The following MRAP2 variants were observed in gnomAD, a reference collection of about 807,000 sequenced individuals.
MRAP2 encodes the protein melanocortin-2 receptor accessory protein 2.
Under a neutral mutation model 17.4 loss-of-function variants are expected in MRAP2, and 20 were observed. The observed-to-expected ratio is 1.15, with a 90% CI of 0.81 to 1.67. MRAP2 has a LOEUF of 1.67. Among genes scored for constraint, MRAP2 ranks in the 40% most tolerant of loss-of-function variants. The probability of loss-of-function intolerance (pLI) is 0.00; values close to 1 mark genes in which losing one functional copy is unlikely to be tolerated. For synonymous variants in MRAP2, 96 were observed against 88.4 expected (o/e 1.09, Z -0.48); for missense variants, 238 against 240.0 (o/e 0.99, Z 0.05).
At chr6:84,145,811 GACAT>G in the MRAP2 span, among the ~76,000 whole-genome samples, 1 of 152,020 alleles carries the variant, frequency 6.6e-6, no homozygotes, top group African/African-American at 2.4e-5. Flanking sequence ...CTTATAACTA[GACAT>G]ACTCAAACTG....
chr6:84,083,603 T>G (rs2099499546), intron 3 of MRAP2, among the ~76,000 whole-genome samples: 1 of 152,166 alleles, frequency 6.6e-6, no homozygotes, highest in South Asian at 2.1e-4. Flanking sequence ...CGGGCAAAAT[T>G]GTATGCTGAC....
chr6:84,136,384 C>A, the MRAP2 span, among the ~76,000 whole-genome samples: 1 of 152,158 alleles, frequency 6.6e-6, no homozygotes, highest in African/African-American at 2.4e-5. Context: ...GAAGGGCAGG[C>A]AGGTGATGAG....
At chr6:84,114,391 C>T in the MRAP2 span, among the ~76,000 whole-genome samples, 2 of 152,020 alleles carry the variant, frequency 1.3e-5, no homozygotes, top group Non-Finnish European at 2.9e-5. Flanking sequence ...TTTGTGTATG[C>T]TTCACAAAGT....
chr6:84,059,677 C>T (rs1235882452), intron 2 of MRAP2, among the ~76,000 whole-genome samples: 1 of 152,178 alleles, frequency 6.6e-6, no homozygotes, highest in Non-Finnish European at 1.5e-5. Flanking sequence ...TTGCAATTCC[C>T]CTGGGCAATT....
chr6:84,107,742 A>C, the MRAP2 span, among the ~76,000 whole-genome samples: 1 of 152,246 alleles, frequency 6.6e-6, no homozygotes, highest in Non-Finnish European at 1.5e-5. Flanking sequence ...AGCTGAAAGC[A>C]AACTGTTTAT....
intron 1 of MRAP2, among the ~76,000 whole-genome samples, chr6:84,039,466 G>A (rs1043007364): frequency 1.3e-5 from 2 of 152,248 alleles, no homozygotes; most frequent in Non-Finnish European, 2.9e-5. Flanking sequence ...TGGAAACTGT[G>A]CATTTTCCTT....
chr6:84,036,638 A>G (rs2099486074), intron 1 of MRAP2, among the ~76,000 whole-genome samples: 1 of 152,156 alleles, frequency 6.6e-6, no homozygotes, highest in Admixed American at 6.6e-5. Flanking sequence ...AAAGAGGGAA[A>G]GACCAAAGCT....
At chr6:84,049,452 AAACAAC>A (rs796211683) in intron 1 of MRAP2, among the ~76,000 whole-genome samples, 2 of 151,974 alleles carry the variant, frequency 1.3e-5, no homozygotes, top group African/African-American at 2.4e-5. Context: ...AAAACAAACA[AAACAAC>A]AACAACAACA....
intron 2 of MRAP2, among the ~76,000 whole-genome samples, chr6:84,056,336 A>G (rs922065338): frequency 6.6e-6 from 1 of 152,234 alleles, no homozygotes; most frequent in Non-Finnish European, 1.5e-5. Context: ...GGCTGCTTCT[A>G]TCCTGACCTG....
the MRAP2 span, among the ~76,000 whole-genome samples, chr6:84,120,756 AG>A: frequency 6.6e-6 from 1 of 152,214 alleles, no homozygotes; most frequent in Non-Finnish European, 1.5e-5. Flanking sequence ...AACAAAAGAA[AG>A]GATGGGTGCA....
chr6:84,105,111 G>C, the MRAP2 span, among the ~76,000 whole-genome samples: 1 of 152,130 alleles, frequency 6.6e-6, no homozygotes, highest in African/African-American at 2.4e-5. Context: ...GGAGTCCCAA[G>C]CTTTCCCACA....
intron 2 of MRAP2, among the ~76,000 whole-genome samples, chr6:84,056,343 C>G (rs1266846363): frequency 6.6e-6 from 1 of 152,222 alleles, no homozygotes; most frequent in African/African-American, 2.4e-5. Context: ...TCTATCCTGA[C>G]CTGTCTTGGC....
chr6:84,134,730 G>A, the MRAP2 span, among the ~76,000 whole-genome samples: 3 of 152,112 alleles, frequency 2.0e-5, no homozygotes, highest in Admixed American at 2.0e-4. Context: ...TGGAAATGTA[G>A]AAATCACTTT....
At chr6:84,045,761 TA>T (rs34278166) in intron 1 of MRAP2, among the ~76,000 whole-genome samples, 11,735 of 147,918 alleles carry the variant, frequency 0.079, 755 homozygotes, top group African/African-American at 0.17. Context: ...GACTGTCTCA[TA>T]AAAAAAAAAG....
At chr6:84,074,039 C>T (rs184367924) in intron 3 of MRAP2, among the ~76,000 whole-genome samples, 2,108 of 152,188 alleles carry the variant, frequency 0.014, 19 homozygotes, top group Middle Eastern at 0.054. Context: ...TGTGGAGCTT[C>T]TTGCAAAAGC....
chr6:84,097,048 A>T, the MRAP2 span, among the ~76,000 whole-genome samples: 3 of 152,220 alleles, frequency 2.0e-5, no homozygotes, highest in Admixed American at 6.5e-5. Context: ...TGATCCTTTA[A>T]ATATCATAAG....
chr6:84,113,130 G>A, the MRAP2 span, among the ~76,000 whole-genome samples: 952 of 152,274 alleles, frequency 6.3e-3, 4 homozygotes, highest in African/African-American at 0.022. Flanking sequence ...CCAGAGCTGA[G>A]TTCGAGTCCT....
At chr6:84,095,437 T>G (rs529502858), downstream of MRAP2, among the ~76,000 whole-genome samples, 1 of 152,144 alleles carries the variant, frequency 6.6e-6, no homozygotes, top group African/African-American at 2.4e-5. Context: ...GATCAAAGAG[T>G]ATATTGCATA....
At chr6:84,094,492 A>G (rs961016181), downstream of MRAP2, among the ~76,000 whole-genome samples, 8 of 152,096 alleles carry the variant, frequency 5.3e-5, no homozygotes, top group African/African-American at 1.9e-4. Flanking sequence ...TAAATATTCA[A>G]CTTTATTATT....
Sources: allele counts gnomAD v4.1 joint callset (sites outside exome capture counted in the v4.1 genomes callset), GRCh38; gene constraint gnomAD v4.1.1; transcripts MANE v1.5; gene names NCBI Gene and HGNC (gene_info 2026-07-23, HGNC 2026-07-21).